The following P2RY8 variants were observed in gnomAD, a reference collection of about 807,000 sequenced individuals.
The protein encoded by P2RY8 is S-geranylgeranyl-glutathione receptor P2RY8.
In P2RY8, 6 loss-of-function variants were observed where a neutral mutation model predicts 10.0. The ratio of observed to expected loss-of-function variants is 0.60; its 90% CI spans 0.33 to 1.19. P2RY8 has a LOEUF of 1.19. P2RY8 is among the 50% of genes most tolerant of loss of function. P2RY8 has a pLI of 0.04. For synonymous variants in P2RY8, 276 were observed against 252.5 expected (o/e 1.09, Z -0.88); for missense variants, 456 against 542.0 (o/e 0.84, Z 1.58).
chrX:1,515,279 C>G (rs2092337486), intron 1 of P2RY8, among the ~76,000 whole-genome samples: 1 of 151,592 alleles, frequency 6.6e-6, no homozygotes, highest in South Asian at 2.1e-4. Flanking sequence ...GATAGAATTC[C>G]TACAGCATGC....
chrX:1,505,956 A>G (rs1290016670), intron 1 of P2RY8, among the ~76,000 whole-genome samples: 1 of 150,830 alleles, frequency 6.6e-6, no homozygotes, highest in African/African-American at 2.4e-5. Flanking sequence ...TATCTTTTTT[A>G]CATTGAACAA....
chrX:1,471,848 T>C (rs1175083104), intron 1 of P2RY8, among the ~76,000 whole-genome samples: 1 of 152,228 alleles, frequency 6.6e-6, no homozygotes, highest in East Asian at 1.9e-4. Context: ...CCACCCCTCT[T>C]TCCTGAGTGC....
chrX:1,504,281 A>G (rs1278548677), intron 1 of P2RY8, among the ~76,000 whole-genome samples: 3 of 150,152 alleles, frequency 2.0e-5, no homozygotes, highest in African/African-American at 4.9e-5. Flanking sequence ...GCGCCACTGC[A>G]CTCCAGCCTG....
chrX:1,509,547 C>CCATCCATT (rs1275266559), intron 1 of P2RY8, among the ~76,000 whole-genome samples: 32 of 125,724 alleles, frequency 2.5e-4, no homozygotes, highest in African/African-American at 1.0e-3. Context: ...ATCCATCCAT[C>CCATCCATT]TATTCTATCA....
chrX:1,520,041 T>G (rs377742516), intron 1 of P2RY8, among the ~76,000 whole-genome samples: 24 of 151,340 alleles, frequency 1.6e-4, no homozygotes, highest in African/African-American at 5.8e-4. Flanking sequence ...CTCTCTCTGG[T>G]CCCCAATAAT....
chrX:1,465,515 G>A lies in P2RY8; in HGVS notation c.1044C>T (p.Thr348=), dbSNP rs1461187995. 6.8e-6 allele frequency: 11 copies of A among 1,610,698 alleles called. No individual in the cohort carries two copies. In the Admixed American group the frequency reaches 1.0e-4, roughly 15 times the overall value. ...TCTCCTGCCTCTGGAGGCCGGGCCTGGTGGCTCCCTCCATCCCTTCAGGGT... is the reference window on the plus strand; with the variant it reads ...TCTCCTGCCTCTGGAGGCCGGGCCTAGTGGCTCCCTCCATCCCTTCAGGGT... ...GAHPEGMEGA[T]RPGLQRQESV... The change falls in exon 2 of 2, where the codon ACC becomes ACT. Residue 348 remains threonine (T), a synonymous_variant. Coordinates refer to ENST00000381297, the MANE Select transcript of P2RY8 (RefSeq NM_178129.5).
chrX:1,529,067 C>T (rs1326243253), intron 1 of P2RY8, among the ~76,000 whole-genome samples: 2 of 152,136 alleles, frequency 1.3e-5, no homozygotes, highest in Non-Finnish European at 2.9e-5. Flanking sequence ...AGTCCTCGGG[C>T]AGATAAGCAT....
At chrX:1,534,106 A>T (rs1210560659) in intron 1 of P2RY8, among the ~76,000 whole-genome samples, 3 of 129,368 alleles carry the variant, frequency 2.3e-5, no homozygotes, top group Non-Finnish European at 4.6e-5. Context: ...ATTTATATAT[A>T]ATATATTTAC....
At chrX:1,519,373 T>TG (rs2092374551) in intron 1 of P2RY8, among the ~76,000 whole-genome samples, 1 of 150,270 alleles carries the variant, frequency 6.7e-6, no homozygotes, top group Admixed American at 6.6e-5. Context: ...ATATTCTCTC[T>TG]GGTCCCCAAT....
chrX:1,503,767 C>G (rs1243790487), intron 1 of P2RY8, among the ~76,000 whole-genome samples: 1 of 152,040 alleles, frequency 6.6e-6, no homozygotes, highest in Non-Finnish European at 1.5e-5. Flanking sequence ...TGGTGGCAGG[C>G]ACCTGTAGTC....
chrX:1,513,493 G>A (rs183358241), intron 1 of P2RY8, among the ~76,000 whole-genome samples: 5 of 151,290 alleles, frequency 3.3e-5, no homozygotes, highest in Non-Finnish European at 7.4e-5. Context: ...CATCACTCCA[G>A]TGTCTGCCTC....
At chrX:1,495,019 C>T (rs1235009625) in intron 1 of P2RY8, among the ~76,000 whole-genome samples, 10 of 152,104 alleles carry the variant, frequency 6.6e-5, no homozygotes, top group East Asian at 5.8e-4. Flanking sequence ...CGCCCGGCTG[C>T]GTATTCACTA....
At chrX:1,488,608 C>T (rs1476530156) in intron 1 of P2RY8, among the ~76,000 whole-genome samples, 1 of 152,146 alleles carries the variant, frequency 6.6e-6, no homozygotes, top group Admixed American at 6.5e-5. Context: ...CATTCCAGCC[C>T]ATGGGTGCCA....
chrX:1,463,241 A>T lies in P2RY8; in HGVS notation c.*2238T>A, dbSNP rs1569536045. 3.9e-5 allele frequency: 9 copies of T among 233,074 alleles called. No individual in the cohort carries two copies. Among genetic ancestry groups the T allele is most frequent in the Non-Finnish European group, 6.8e-5 (8 of 118,016 alleles). 14.4% of individuals were successfully genotyped at this position (233,074 alleles called of 1,614,324 possible). On this transcript the variant is annotated 3_prime_UTR_variant, in exon 2 of 2. Coordinates refer to ENST00000381297, the MANE Select transcript of P2RY8 (RefSeq NM_178129.5). ...TGCGACCTGTACTCCTGCAGCCTGG[A>T]TGCTTCTGTATCAGCTTTGCTTTCT... is the stretch of plus-strand genomic sequence containing the variant.
chrX:1,493,776 G>A (rs1270275217), intron 1 of P2RY8, among the ~76,000 whole-genome samples: 1 of 152,122 alleles, frequency 6.6e-6, no homozygotes, highest in Non-Finnish European at 1.5e-5. Context: ...CCGTTAAAAC[G>A]GACAAGACGA....
chrX:1,515,265 T>C (rs2092337352), intron 1 of P2RY8, among the ~76,000 whole-genome samples: 1 of 151,850 alleles, frequency 6.6e-6, no homozygotes, highest in Non-Finnish European at 1.5e-5. Context: ...AACAACTTTG[T>C]AGAGATAGAA....
At chrX:1,494,794 C>T (rs182870650) in intron 1 of P2RY8, among the ~76,000 whole-genome samples, 38 of 152,330 alleles carry the variant, frequency 2.5e-4, no homozygotes, top group Non-Finnish European at 8.8e-5. Flanking sequence ...TCACTTCCTC[C>T]TCCCAGGTTC....
intron 1 of P2RY8, among the ~76,000 whole-genome samples, chrX:1,498,748 A>G (rs758501231): frequency 1.3e-4 from 19 of 149,260 alleles, no homozygotes; most frequent in Admixed American, 2.7e-4. Flanking sequence ...CTGATCTTGA[A>G]CTCCTGGTCT....
intron 1 of P2RY8, among the ~76,000 whole-genome samples, chrX:1,492,534 C>T (rs768762212): frequency 2.0e-5 from 3 of 152,096 alleles, no homozygotes; most frequent in Non-Finnish European, 2.9e-5. Context: ...GGGGCTGAAA[C>T]GTGGGAAGAG....
Sources: allele counts gnomAD v4.1 joint callset (sites outside exome capture counted in the v4.1 genomes callset), GRCh38; gene constraint gnomAD v4.1.1; transcripts MANE v1.5; gene names NCBI Gene and HGNC (gene_info 2026-07-23, HGNC 2026-07-21).